CYSTM1: variants seen among roughly 807,000 people sequenced by gnomAD.
The protein encoded by CYSTM1 is cysteine-rich transmembrane module-containing protein 1.
CYSTM1 carries 4 observed loss-of-function variants against 13.1 expected under a neutral mutation model. That is an observed-to-expected ratio of 0.31 (90% confidence interval 0.15 to 0.70). The LOEUF is 0.70. Among genes scored for constraint, CYSTM1 ranks in the 30% least tolerant of loss-of-function variants. The pLI is 0.72. For missense variants in CYSTM1, 96 were observed against 121.6 expected (o/e 0.79, Z 0.99); for synonymous variants, 36 against 42.7 (o/e 0.84, Z 0.62).
At chr5:140,218,325 C>T (rs17118739) in intron 2 of CYSTM1, among the ~76,000 whole-genome samples, 36,548 of 152,040 alleles carry the variant, frequency 0.24, 4,439 homozygotes, top group African/African-American at 0.28. Flanking sequence ...CAGTTCTATG[C>T]AATGCCCATG....
intron 2 of CYSTM1, among the ~76,000 whole-genome samples, chr5:140,195,687 T>A (rs1764147198): frequency 1.3e-5 from 2 of 150,084 alleles, no homozygotes; most frequent in South Asian, 4.2e-4. Context: ...CCCCTTGGCC[T>A]TCCAAAGTGC....
chr5:140,220,999 G>A (rs1764482427), intron 2 of CYSTM1, among the ~76,000 whole-genome samples: 1 of 152,078 alleles, frequency 6.6e-6, no homozygotes, highest in Admixed American at 6.6e-5. Flanking sequence ...TTCCCCAAGT[G>A]TTGAAGTGTC....
At chr5:140,213,145 C>G (rs539485002) in intron 2 of CYSTM1, among the ~76,000 whole-genome samples, 1 of 151,000 alleles carries the variant, frequency 6.6e-6, no homozygotes, top group South Asian at 2.1e-4. Context: ...GTTATTACCC[C>G]TGAAGACCTC....
In CYSTM1 at chr5:140,175,436, G is replaced by A. The variant is rs1336677904; in HGVS notation, c.-21+151G>A. 6.6e-6 allele frequency among the ~76,000 whole-genome samples: 1 copy of A among 152,052 alleles called. No individual in the cohort carries two copies. Among genetic ancestry groups the A allele is most frequent in the Non-Finnish European group, 1.5e-5 (1 of 67,976 alleles). On this transcript the variant is annotated intron_variant, in intron 1 of 2. Coordinates refer to ENST00000261811, the MANE Select transcript of CYSTM1 (RefSeq NM_032412.4). This position sits in a 1 kb window ranked among gnomAD's most constrained non-coding sequence, Gnocchi z 4.9. ...TCAGGCAGGGGTTCGCGCAGCCCCT[G>A]GGGAGGGGCAGGGAGGCAGGGAAGC...
Position 140,229,457 on chromosome 5 carries a change from C to G in CYSTM1, c.188-13848C>G, listed in dbSNP as rs186782125. On this transcript the variant is annotated intron_variant, in intron 2 of 2. Coordinates refer to ENST00000261811, the MANE Select transcript of CYSTM1 (RefSeq NM_032412.4). ...AGCGATCCACCTGAGATCCAAAGTG[C>G]TGGGATTGCAGGTGTGAGCCACCAT... 5.1e-4 allele frequency among the ~76,000 whole-genome samples: 78 copies of G among 152,218 alleles called. No homozygotes were observed. The East Asian group carries it at 0.014, about 28-fold the overall frequency.
intron 2 of CYSTM1, among the ~76,000 whole-genome samples, chr5:140,213,719 C>T (rs1333597504): frequency 6.6e-6 from 1 of 152,122 alleles, no homozygotes; most frequent in African/African-American, 2.4e-5. Flanking sequence ...AAATTGCCTA[C>T]AGTATTCAAT....
intron 2 of CYSTM1, among the ~76,000 whole-genome samples, chr5:140,236,924 T>C (rs1764687030): frequency 6.6e-6 from 1 of 152,206 alleles, no homozygotes; most frequent in Non-Finnish European, 1.5e-5. Context: ...TACTGGAAAA[T>C]GCCAAGCACT....
At chr5:140,181,824 G>C (rs1267355652) in intron 1 of CYSTM1, among the ~76,000 whole-genome samples, 2 of 152,190 alleles carry the variant, frequency 1.3e-5, no homozygotes, top group Admixed American at 1.3e-4. Flanking sequence ...ATGTTGACTA[G>C]GTCTTGCTAT....
chr5:140,195,542 C>T (rs922770639), intron 2 of CYSTM1, among the ~76,000 whole-genome samples: 1 of 149,792 alleles, frequency 6.7e-6, no homozygotes, highest in Non-Finnish European at 1.5e-5. Flanking sequence ...CCTGGGTTCA[C>T]GCCGTTCTCC....
intron 2 of CYSTM1, among the ~76,000 whole-genome samples, chr5:140,197,220 C>T (rs1487332954): frequency 6.6e-6 from 1 of 152,142 alleles, no homozygotes; most frequent in East Asian, 1.9e-4. Context: ...TGGACTTTGT[C>T]CACTGTTCAT....
Position 140,194,585 on chromosome 5 carries a change from G to T in CYSTM1, c.120G>T (p.Gly40=). The stretch of plus-strand genomic sequence containing the variant: ...GGGGACCCTACCCACCTCCTCAAGG[G>T]TACCCCTACCAAGGATACCCACAGT... The part of the protein sequence containing the change: ...PMGGPYPPPQ[G]YPYQGYPQYG... Residue 40 remains glycine, a synonymous_variant, in exon 2 of 3, where the codon GGG becomes GGT. Coordinates refer to ENST00000261811, the MANE Select transcript of CYSTM1 (RefSeq NM_032412.4). The T allele has an allele frequency of 6.2e-7, 1 of 1,613,526 alleles. No individual in the cohort carries two copies. The highest frequency in any genetic ancestry group is 8.5e-7 in the Non-Finnish European group (1 of 1,179,714).
At chr5:140,205,165 A>C (rs1764284017) in intron 2 of CYSTM1, among the ~76,000 whole-genome samples, 2 of 152,122 alleles carry the variant, frequency 1.3e-5, no homozygotes, top group Non-Finnish European at 2.9e-5. Context: ...GTGCATCTTC[A>C]GGGGTACCCT....
At chr5:140,184,933 G>T (rs781776387) in intron 1 of CYSTM1, among the ~76,000 whole-genome samples, 3 of 152,192 alleles carry the variant, frequency 2.0e-5, no homozygotes, top group African/African-American at 7.2e-5. Flanking sequence ...AATTAATGTA[G>T]GTATGGTATG....
At chr5:140,181,125 T>G (rs1460101679) in intron 1 of CYSTM1, among the ~76,000 whole-genome samples, 1 of 152,230 alleles carries the variant, frequency 6.6e-6, no homozygotes, top group Non-Finnish European at 1.5e-5. Context: ...CGTTTAATGC[T>G]GCACGCAGTA....
intron 1 of CYSTM1, among the ~76,000 whole-genome samples, chr5:140,181,677 G>A (rs554978464): frequency 6.6e-6 from 1 of 152,230 alleles, no homozygotes; most frequent in African/African-American, 2.4e-5. Context: ...ATAGAGATGG[G>A]GGTCTCACTA....
intron 2 of CYSTM1, among the ~76,000 whole-genome samples, chr5:140,221,227 A>T (rs1385205459): frequency 6.6e-6 from 1 of 152,196 alleles, no homozygotes; most frequent in Non-Finnish European, 1.5e-5. Context: ...ATTCTCATAA[A>T]ATTTGCCATT....
chr5:140,234,135 G>C (rs1764650529), intron 2 of CYSTM1, among the ~76,000 whole-genome samples: 1 of 152,130 alleles, frequency 6.6e-6, no homozygotes, highest in Admixed American at 6.5e-5. Flanking sequence ...GTTAGTTTTT[G>C]TATAAAATGT....
intron 2 of CYSTM1, among the ~76,000 whole-genome samples, chr5:140,228,312 A>C (rs532774861): frequency 8.5e-5 from 13 of 152,200 alleles, no homozygotes; most frequent in Non-Finnish European, 1.9e-4. Flanking sequence ...TAAAATGATG[A>C]TAATAATACA....
At position 140,235,811 on chromosome 5, in the gene CYSTM1, C is replaced by T. The variant is rs372193185; in HGVS notation, c.188-7494C>T. 1.1e-4 allele frequency among the ~76,000 whole-genome samples: 17 copies of T among 152,312 alleles called. No homozygotes were observed. In the South Asian group the frequency reaches 2.7e-3, roughly 24 times the overall value. Reference sequence around the variant, plus strand: ...CAGTGACATCTTCCCCAGCTCACACCGTGGTCCTTTGGTCTATCTGAGGCA... The same window carrying T: ...CAGTGACATCTTCCCCAGCTCACACTGTGGTCCTTTGGTCTATCTGAGGCA... On this transcript the variant is annotated intron_variant, in intron 2 of 2. Transcript: ENST00000261811.
Sources: gnomAD v4.1 joint callset for allele counts (sites outside exome capture counted in the v4.1 genomes callset) on GRCh38, gnomAD v4.1.1 for gene constraint, Gnocchi (gnomAD v3.1) non-coding constraint, MANE v1.5 for transcripts, NCBI Gene and HGNC (gene_info 2026-07-23, HGNC 2026-07-21) for gene names.